Variants in REX1BD observed in about 807,000 individuals in gnomAD.
The protein encoded by REX1BD is required for excision 1-B domain-containing protein.
Under a neutral mutation model 24.4 loss-of-function variants are expected in REX1BD, and 22 were observed. That is an observed-to-expected ratio of 0.90 (90% confidence interval 0.64 to 1.29). REX1BD has a LOEUF of 1.29. Among genes scored for constraint, REX1BD ranks in the 50% most tolerant of loss-of-function variants. REX1BD has a pLI of 0.00. For missense variants in REX1BD, 293 were observed against 285.3 expected (o/e 1.03, Z -0.19); for synonymous variants, 146 against 125.9 (o/e 1.16, Z -1.07).
At position 18,590,840 on chromosome 19, in the gene REX1BD, C is replaced by T. The variant is rs1369961591; in HGVS notation, c.454-14C>T. The T allele has an allele frequency of 1.9e-6, 3 of 1,600,040 alleles. No individual in the cohort carries two copies. Among genetic ancestry groups the T allele is most frequent in the Non-Finnish European group, 2.6e-6 (3 of 1,173,874 alleles). On this transcript the variant is annotated splice_polypyrimidine_tract_variant and intron_variant, in intron 3 of 4. Coordinates refer to ENST00000358607, the MANE Select transcript of REX1BD (RefSeq NM_001100418.2). ...TCGTGGAGACATCCTTCGTGTTGCT[C>T]ATTCCCCCACCAGGTGGCCCTGCTG...
At chr19:18,590,558 G>C (rs1409443332) in intron 3 of REX1BD, 1 of 319,788 alleles carries the variant, frequency 3.1e-6, no homozygotes, top group Non-Finnish European at 5.9e-6. Context: ...CCGTCCCTGG[G>C]ACCATGAGGC....
chr19:18,589,864 A>G, intron 3 of REX1BD, 181 bp downstream of exon 3: 1 of 929,126 alleles, frequency 1.1e-6, no homozygotes, highest in South Asian at 2.4e-5. Context: ...TCTGCTGTTC[A>G]TCCCCAATTT....
intron 3 of REX1BD, 42 bp from the exon 4 acceptor site, chr19:18,590,812 T>C (rs1211897549): frequency 6.4e-7 from 1 of 1,565,110 alleles, no homozygotes. Context: ...GGGTGGGTTC[T>C]GCTCGTGGAG....
At chr19:18,590,601 G>A in intron 3 of REX1BD, 1 of 428,346 alleles carries the variant, frequency 2.3e-6, no homozygotes, top group East Asian at 4.5e-5. Flanking sequence ...CCAATGCCTG[G>A]CTAAGACGTC....
chr19:18,590,907 T>G lies in REX1BD; in HGVS notation c.507T>G (p.Ala169=), dbSNP rs1275075102. Residue 169 remains alanine (A), a synonymous_variant, in exon 4 of 5, where the codon GCT becomes GCG. Transcript: ENST00000358607. ...ETPELAGQED[A]VRMQQLKMKV... ...CAGAGCTGGCGGGGCAGGAGGACGC[T>G]GTACGGATGCAGCAGCTGAAAATGA... 1 of 1,597,730 alleles carries G rather than the reference T, an allele frequency of 6.3e-7. No individual in the cohort carries two copies.
intron 3 of REX1BD, 199 bp from the exon 4 acceptor site, chr19:18,590,655 T>C: frequency 1.8e-6 from 1 of 562,298 alleles, no homozygotes; most frequent in Non-Finnish European, 3.1e-6. Context: ...CAGCACTGCC[T>C]CTGGCCTGCC....
chr19:18,592,067 C>T (rs770281000), intron 4 of REX1BD, 41 bp from the exon 5 acceptor site: 1 of 1,611,734 alleles, frequency 6.2e-7, no homozygotes, highest in South Asian at 1.1e-5. Context: ...GCTAATTCAC[C>T]CCATCTGGGT....
At chr19:18,588,948 C>T in intron 1 of REX1BD, 47 bp from the exon 2 acceptor site, 1 of 1,524,146 alleles carries the variant, frequency 6.6e-7, no homozygotes, top group Non-Finnish European at 8.8e-7. Context: ...GCGGCGCAGA[C>T]CCAGGGGCGC....
At position 18,589,612 on chromosome 19, in the gene REX1BD, CCTCGCAGGCAGCCGCTG is replaced by C; in HGVS notation, c.388_404del (p.Gln131ProfsTer45). Reference sequence around the variant, plus strand: ...GGCGGTGGAAGCAGAGCTGGGCGGGCCTCGCAGGCAGCCGCTGCTCGCCGGCCACGTGCGCAGCCTGC... The same window carrying C: ...GGCGGTGGAAGCAGAGCTGGGCGGGCCTCGCCGGCCACGTGCGCAGCCTGC... On this transcript the variant is annotated frameshift_variant, in exon 3 of 5. Transcript: ENST00000358607. LOFTEE classifies it high-confidence loss of function. 6.5e-7 allele frequency: 1 copy of C among 1,532,024 alleles called. No homozygotes were observed. Among genetic ancestry groups the C allele is most frequent in the Non-Finnish European group, 8.7e-7 (1 of 1,146,296 alleles). 94.9% of individuals were successfully genotyped at this position (1,532,024 alleles called of 1,614,324 possible).
rs745576691 is a variant in REX1BD, at chr19:18,592,158, T to G, written c.584T>G (p.Phe195Cys). 2 of 1,614,126 alleles carry G rather than the reference T, an allele frequency of 1.2e-6. No individual in the cohort carries two copies. The highest frequency in any genetic ancestry group is 1.7e-6 in the Non-Finnish European group (2 of 1,180,014). ...AISEVLQDLR[F>C]DAESAE The stretch of plus-strand genomic sequence containing the variant: ...AGCGAGGTTCTCCAGGACCTTAGGT[T>G]TGATGCGGAATCTGCCGAGTGATGG... The change falls in exon 5 of 5, where the codon TTT becomes TGT. Residue 195 changes from phenylalanine (F) to cysteine (C), a missense_variant. Transcript: ENST00000358607.
At chr19:18,589,153 G>T (rs1413799937) in intron 2 of REX1BD, 76 bp downstream of exon 2, 1 of 1,466,554 alleles carries the variant, frequency 6.8e-7, no homozygotes, top group African/African-American at 1.4e-5. Flanking sequence ...CGGCGGGCGT[G>T]CCTGGAGGAG....
At chr19:18,589,810 A>G in intron 3 of REX1BD, 127 bp downstream of exon 3, 1 of 1,293,442 alleles carries the variant, frequency 7.7e-7, no homozygotes, top group Non-Finnish European at 1.0e-6. Flanking sequence ...GTCCCACCCC[A>G]ATCCTCTATT....
chr19:18,589,872 T>C (rs1269189737), intron 3 of REX1BD, 189 bp downstream of exon 3: 3 of 858,312 alleles, frequency 3.5e-6, no homozygotes, highest in Non-Finnish European at 3.3e-6. Flanking sequence ...TCATCCCCAA[T>C]TTTTTTCCCA....
rs1434837527 is a variant in REX1BD at position 18,589,502 on chromosome 19, G to T, written c.272G>T (p.Ser91Ile). The stretch of plus-strand genomic sequence containing the variant: ...AGAGGCCACCGCCAGTACCTGCGCA[G>T]CGGCCCTGACTACGACTTCGCGCGC... ...CRRGHRQYLR[S>I]GPDYDFARYR... The change falls in exon 3 of 5, where the codon AGC becomes ATC. Residue 91 changes from serine (S) to isoleucine (I), a missense_variant. Coordinates refer to ENST00000358607, the MANE Select transcript of REX1BD (RefSeq NM_001100418.2). The T allele has an allele frequency of 6.4e-7, 1 of 1,571,380 alleles. No homozygotes were observed. The highest frequency in any genetic ancestry group is 2.4e-5 in the East Asian group (1 of 42,306).
intron 3 of REX1BD, chr19:18,590,615 G>T: frequency 2.1e-6 from 1 of 467,118 alleles, no homozygotes; most frequent in Non-Finnish European, 3.8e-6. Context: ...AGACGTCACT[G>T]TTGTTCCCAG....
Position 18,592,240 on chromosome 19 carries a change from C to T in REX1BD, c.*60C>T. ...GAAACGGGGCGGATGGCGCCCAGCC[C>T]AGCCCTAACTGCCAGCTGGCTGGGG... On this transcript the variant is annotated 3_prime_UTR_variant, in exon 5 of 5. Coordinates refer to ENST00000358607, the MANE Select transcript of REX1BD (RefSeq NM_001100418.2). The T allele has an allele frequency of 1.9e-6, 3 of 1,595,560 alleles. No individual in the cohort carries two copies. Among genetic ancestry groups the T allele is most frequent in the Non-Finnish European group, 2.6e-6 (3 of 1,164,330 alleles).
chr19:18,590,585 C>T lies in REX1BD; in HGVS notation c.454-269C>T, dbSNP rs553567250. 1.1e-3 allele frequency: 427 copies of T among 390,298 alleles called. 2 individuals are homozygous for T. The highest frequency in any genetic ancestry group is 8.6e-3 in the African/African-American group (406 of 47,076). 24.2% of individuals were successfully genotyped at this position (390,298 alleles called of 1,614,324 possible). On this transcript the variant is annotated intron_variant, in intron 3 of 4. Coordinates refer to ENST00000358607, the MANE Select transcript of REX1BD (RefSeq NM_001100418.2). ...CCATGAGGCGCAACCTAACCCACCC[C>T]TACGGCCAATGCCTGGCTAAGACGT...
At position 18,592,138 on chromosome 19, in the gene REX1BD, G is replaced by A; in HGVS notation, c.564G>A (p.Glu188=). 6.2e-7 allele frequency: 1 copy of A among 1,614,116 alleles called. No individual in the cohort carries two copies. Among genetic ancestry groups the A allele is most frequent in the Non-Finnish European group, 8.5e-7 (1 of 1,180,026 alleles). Residue 188 remains glutamate, a synonymous_variant, in exon 5 of 5, where the codon GAG becomes GAA. Transcript: ENST00000358607. ...KVIKTMEAIS[E]VLQDLRFDAE... is the part of the protein sequence containing the mutation. ...TTAAAACCATGGAGGCGATCAGCGA[G>A]GTTCTCCAGGACCTTAGGTTTGATG...
intron 1 of REX1BD, 31 bp from the exon 2 acceptor site, chr19:18,588,964 T>G: frequency 1.3e-6 from 2 of 1,523,336 alleles, no homozygotes; most frequent in Non-Finnish European, 1.8e-6. Context: ...GGCGCGGGCT[T>G]CATGCCCCAG....
Sources: gnomAD v4.1 joint callset for allele counts on GRCh38, gnomAD v4.1.1 for gene constraint, MANE v1.5 for transcripts, NCBI Gene and HGNC (gene_info 2026-07-23, HGNC 2026-07-21) for gene names.